NR6A1: variants seen among roughly 807,000 people sequenced by gnomAD.
The protein encoded by NR6A1 is retinoic acid receptor-related testis-associated receptor.
In NR6A1, 7 loss-of-function variants were observed where a neutral mutation model predicts 59.1. The observed-to-expected ratio is 0.12, with a 90% CI of 0.07 to 0.22. The LOEUF (loss-of-function observed/expected upper bound fraction) is 0.22. NR6A1 is among the 10% of genes least tolerant of loss of function. NR6A1 has a pLI of 1.00. For synonymous variants in NR6A1, 243 were observed against 236.1 expected (o/e 1.03, Z -0.27); for missense variants, 468 against 611.6 (o/e 0.77, Z 2.48).
At chr9:124,585,266 C>T (rs1244340578) in intron 2 of NR6A1, among the ~76,000 whole-genome samples, 1 of 152,102 alleles carries the variant, frequency 6.6e-6, no homozygotes, top group Non-Finnish European at 1.5e-5. Flanking sequence ...GTGGGCCAGG[C>T]GCAGTGGCTC....
At chr9:124,559,734 G>A (rs746195957) in intron 2 of NR6A1, among the ~76,000 whole-genome samples, 51 of 152,210 alleles carry the variant, frequency 3.4e-4, no homozygotes, top group Non-Finnish European at 2.1e-4. Context: ...CCAAGATTGC[G>A]CCACTGAACT....
rs114363269 is a variant in NR6A1 at position 124,620,350 on chromosome 9, C to A, written c.143-65780G>T. Among the ~76,000 whole-genome samples, 1,132 of 152,188 alleles carry A rather than the reference C, an allele frequency of 7.4e-3. 19 individuals carry two copies. Among genetic ancestry groups the A allele is most frequent in the African/African-American group, 0.025 (1,033 of 41,516 alleles). On this transcript the variant is annotated intron_variant, in intron 2 of 9. Transcript: ENST00000487099. ...AGTACTTTTATAATTAAAAGATATACCCTTATTCCCAAGAGAAATGAAAAC... is the reference window on the plus strand; with the variant it reads ...AGTACTTTTATAATTAAAAGATATAACCTTATTCCCAAGAGAAATGAAAAC...
At chr9:124,527,042 G>T in intron 7 of NR6A1, 142 bp from the exon 8 acceptor site, 2 of 991,548 alleles carry the variant, frequency 2.0e-6, no homozygotes, top group Non-Finnish European at 3.0e-6. Flanking sequence ...AGTACAGGCA[G>T]ATCCATGCTT....
At chr9:124,648,046 A>G (rs572971778) in intron 2 of NR6A1, among the ~76,000 whole-genome samples, 30 of 152,328 alleles carry the variant, frequency 2.0e-4, no homozygotes, top group Admixed American at 1.9e-3. Flanking sequence ...AGATGCAAAA[A>G]TCCTCAATAG....
At chr9:124,571,380 G>C (rs1240660384) in intron 2 of NR6A1, among the ~76,000 whole-genome samples, 1 of 152,150 alleles carries the variant, frequency 6.6e-6, no homozygotes, top group Admixed American at 6.5e-5. Flanking sequence ...GATTGCAGAG[G>C]ACAGGATATG....
intron 1 of NR6A1, among the ~76,000 whole-genome samples, chr9:124,748,855 ACT>A (rs1840412522): frequency 6.8e-6 from 1 of 146,710 alleles, no homozygotes; most frequent in Admixed American, 6.9e-5. Context: ...ACAGAGCGAG[ACT>A]CTGTCTCAAA....
chr9:124,688,995 C>T (rs897375814), intron 2 of NR6A1, among the ~76,000 whole-genome samples: 3 of 152,074 alleles, frequency 2.0e-5, no homozygotes, highest in Non-Finnish European at 4.4e-5. Context: ...AAATGAAAAC[C>T]TTACCAAAAA....
At chr9:124,765,681 C>G (rs1840913106) in intron 1 of NR6A1, among the ~76,000 whole-genome samples, 1 of 152,120 alleles carries the variant, frequency 6.6e-6, no homozygotes, top group African/African-American at 2.4e-5. Flanking sequence ...CGCTCCCAAA[C>G]TAAATCACTG....
At position 124,519,223 on chromosome 9, in the gene NR6A1, G is replaced by GGAAT. The variant is rs1362985679; in HGVS notation, c.*3481_*3482insATTC. 6.6e-6 allele frequency: 1 copy of GGAAT among 152,194 alleles called. No homozygotes were observed. Among genetic ancestry groups the GGAAT allele is most frequent in the Non-Finnish European group, 1.5e-5 (1 of 68,040 alleles). The allele number at this position is 152,194 out of a possible 1,614,324, so 9.4% of individuals were successfully genotyped here. A position where few individuals can be genotyped will look rare whatever the true frequency, so the allele number is the denominator to read the frequency against. On this transcript the variant is annotated 3_prime_UTR_variant, in exon 10 of 10. Transcript: ENST00000487099. ...TCAGTGATGCCACAGAAACCCTTAG[G>GGAAT]ATTCCCCATTCCTTGCTCTGGTTCT... is the stretch of plus-strand genomic sequence containing the variant.
intron 1 of NR6A1, among the ~76,000 whole-genome samples, chr9:124,759,172 T>C (rs1310927932): frequency 6.6e-6 from 1 of 152,254 alleles, no homozygotes; most frequent in Admixed American, 6.5e-5. Flanking sequence ...GAAATCACCT[T>C]CTGTATTTTA....
At position 124,732,078 on chromosome 9, in the gene NR6A1, A is replaced by T. The variant is rs545031671; in HGVS notation, c.142+1230T>A. Among the ~76,000 whole-genome samples, 196 of 152,336 alleles carry T rather than the reference A, an allele frequency of 1.3e-3. 1 individual carries two copies. Among genetic ancestry groups the T allele is most frequent in the Admixed American group, 2.3e-3 (35 of 15,296 alleles). On this transcript the variant is annotated intron_variant, in intron 2 of 9. Transcript: ENST00000487099. ...GTGTTTGATAAGCATCATGAGAACTATTTTGCCTAAAAATTAATAAGTATT... is the reference window on the plus strand; with the variant it reads ...GTGTTTGATAAGCATCATGAGAACTTTTTTGCCTAAAAATTAATAAGTATT...
rs937070317 is a variant in NR6A1, at chr9:124,630,756, G to A, written c.143-76186C>T. 1.2e-4 allele frequency among the ~76,000 whole-genome samples: 15 copies of A among 120,960 alleles called. No homozygotes were observed. In the East Asian group the frequency reaches 1.4e-3, roughly 12 times the overall value. The allele number at this position is 120,960 out of a possible 152,430, so 79.4% of individuals were successfully genotyped here. On this transcript the variant is annotated intron_variant, in intron 2 of 9. Coordinates refer to ENST00000487099, the MANE Select transcript of NR6A1 (RefSeq NM_033334.4). ...TGCAATGGCACGATCTCAGCTCACC[G>A]CAACCTCTGCTTCCCGGGTTCAAGC...
chr9:124,562,830 G>A (rs1274188458), intron 2 of NR6A1, among the ~76,000 whole-genome samples: 5 of 152,170 alleles, frequency 3.3e-5, no homozygotes, highest in African/African-American at 9.7e-5. Flanking sequence ...ACCAGCTACA[G>A]AGCCCTAGCA....
chr9:124,742,454 G>A (rs538948492), intron 1 of NR6A1, among the ~76,000 whole-genome samples: 9 of 152,138 alleles, frequency 5.9e-5, no homozygotes, highest in Admixed American at 2.6e-4. Flanking sequence ...CCAGCTACTC[G>A]AGAGGCTGAG....
chr9:124,530,793 G>A (rs1223503320), intron 7 of NR6A1, among the ~76,000 whole-genome samples: 1 of 152,214 alleles, frequency 6.6e-6, no homozygotes, highest in Non-Finnish European at 1.5e-5. Context: ...ACAAATTCCA[G>A]AAAGTCAAAC....
intron 2 of NR6A1, among the ~76,000 whole-genome samples, chr9:124,636,116 C>T (rs936996028): frequency 2.0e-5 from 3 of 152,168 alleles, no homozygotes; most frequent in African/African-American, 7.2e-5. Flanking sequence ...TGACATGGAG[C>T]ATCTTTTCTT....
chr9:124,527,299 A>T (rs948747208), intron 7 of NR6A1, among the ~76,000 whole-genome samples: 10 of 152,236 alleles, frequency 6.6e-5, no homozygotes, highest in African/African-American at 2.4e-4. Flanking sequence ...GCTATTGTAG[A>T]GATTCAGCCT....
At chr9:124,562,592 GCAA>G (rs1224135325) in intron 2 of NR6A1, among the ~76,000 whole-genome samples, 1 of 152,068 alleles carries the variant, frequency 6.6e-6, no homozygotes, top group Non-Finnish European at 1.5e-5. Context: ...ACTGCACCTG[GCAA>G]GAGTTTTTTG....
intron 2 of NR6A1, among the ~76,000 whole-genome samples, chr9:124,725,859 T>C (rs553375042): frequency 6.6e-6 from 1 of 152,320 alleles, no homozygotes; most frequent in East Asian, 1.9e-4. Context: ...TAAAAAATGT[T>C]AGACCAAAGG....
Sources: allele counts gnomAD v4.1 joint callset (sites outside exome capture counted in the v4.1 genomes callset), GRCh38; gene constraint gnomAD v4.1.1; transcripts MANE v1.5; gene names NCBI Gene and HGNC (gene_info 2026-07-23, HGNC 2026-07-21).